Variants in BLNK observed in about 807,000 individuals in gnomAD.
BLNK encodes B cell linker.
BLNK carries 29 observed loss-of-function variants against 73.5 expected under a neutral mutation model. That is an observed-to-expected ratio of 0.39 (90% CI 0.29 to 0.54). BLNK has a LOEUF of 0.54. Among genes scored for constraint, BLNK ranks in the 20% least tolerant of loss-of-function variants. The probability of loss-of-function intolerance (pLI) is 0.61; values close to 1 mark genes in which losing one functional copy is unlikely to be tolerated. For synonymous variants in BLNK, 176 were observed against 200.8 expected (o/e 0.88, Z 1.04); for missense variants, 460 against 562.8 (o/e 0.82, Z 1.85).
chr10:96,255,447 T>G (rs1843469518), intron 1 of BLNK, among the ~76,000 whole-genome samples: 1 of 152,120 alleles, frequency 6.6e-6, no homozygotes, highest in African/African-American at 2.4e-5. Flanking sequence ...TCCTTGTAGC[T>G]CTTTAGTGCT....
rs2083315771 is a variant in BLNK, at chr10:96,190,809, C to A, written c.*1164G>T. On this transcript the variant is annotated 3_prime_UTR_variant, in exon 17 of 17. Transcript: ENST00000224337. ...TCTGGGATGATCTAAGACCTTGGAC[C>A]TGATTCTCCACGATGGTATCTCTTT... 6.6e-6 allele frequency among the ~76,000 whole-genome samples: 1 copy of A among 152,184 alleles called. No individual in the cohort carries two copies. The highest frequency in any genetic ancestry group is 2.4e-5 in the African/African-American group (1 of 41,440).
chr10:96,231,568 A>G (rs587714968), intron 3 of BLNK, among the ~76,000 whole-genome samples: 1 of 151,996 alleles, frequency 6.6e-6, no homozygotes, highest in African/African-American at 2.4e-5. Flanking sequence ...CTCTACAAAA[A>G]ATAAAATAAT....
rs587660181 is a variant in BLNK at position 96,189,783 on chromosome 10, C to T, written c.*2190G>A. 3 of 876,538 alleles carry T rather than the reference C, an allele frequency of 3.4e-6. No homozygotes were observed. Among genetic ancestry groups the T allele is most frequent in the Admixed American group, 3.5e-5 (2 of 57,068 alleles). 54.3% of individuals were successfully genotyped at this position (876,538 alleles called of 1,614,324 possible). A position where few individuals can be genotyped will look rare whatever the true frequency, so the allele number is the denominator to read the frequency against. On this transcript the variant is annotated 3_prime_UTR_variant, in exon 17 of 17. Transcript: ENST00000224337. ...TTATTCTCTGGAATCTTGCTACCAC[C>T]TCCAGGGACAGATCACTTTCCAGAT...
At chr10:96,227,195 C>T (rs924230618) in intron 5 of BLNK, among the ~76,000 whole-genome samples, 1 of 152,216 alleles carries the variant, frequency 6.6e-6, no homozygotes, top group African/African-American at 2.4e-5. Context: ...TGTTCCCAAT[C>T]TAGGAAAGAC....
At chr10:96,255,861 A>C (rs1843486064) in intron 1 of BLNK, among the ~76,000 whole-genome samples, 1 of 152,148 alleles carries the variant, frequency 6.6e-6, no homozygotes, top group African/African-American at 2.4e-5. Context: ...GATTTCAACG[A>C]TCACTCCTTC....
intron 4 of BLNK, among the ~76,000 whole-genome samples, chr10:96,229,003 ACAGG>A (rs1477684964): frequency 6.6e-6 from 1 of 152,178 alleles, no homozygotes; most frequent in Non-Finnish European, 1.5e-5. Flanking sequence ...ATATTTTGAA[ACAGG>A]CATACAACGT....
At chr10:96,209,186 A>G (rs1204956488) in intron 9 of BLNK, among the ~76,000 whole-genome samples, 1 of 152,082 alleles carries the variant, frequency 6.6e-6, no homozygotes, top group Non-Finnish European at 1.5e-5. Context: ...ACCAGCACAT[A>G]GTATATATCT....
chr10:96,246,053 C>A (rs1161368041), intron 2 of BLNK, among the ~76,000 whole-genome samples: 1 of 151,860 alleles, frequency 6.6e-6, no homozygotes, highest in Non-Finnish European at 1.5e-5. Flanking sequence ...AAGAGACTTA[C>A]CTACTAAGGT....
chr10:96,198,678 A>G (rs74430332), intron 15 of BLNK, among the ~76,000 whole-genome samples: 8,630 of 152,236 alleles, frequency 0.057, 425 homozygotes, highest in African/African-American at 0.13. Flanking sequence ...TAGGATATGA[A>G]AAAACAGTTT....
At chr10:96,217,380 C>T (rs2084092738) in intron 6 of BLNK, among the ~76,000 whole-genome samples, 1 of 152,176 alleles carries the variant, frequency 6.6e-6, no homozygotes, top group Non-Finnish European at 1.5e-5. Flanking sequence ...GTCGGAGAAA[C>T]TGCCAAACTG....
intron 1 of BLNK, among the ~76,000 whole-genome samples, chr10:96,254,739 G>C (rs782574160): frequency 6.6e-6 from 1 of 151,980 alleles, no homozygotes; most frequent in East Asian, 1.9e-4. Flanking sequence ...TCGAACTTCT[G>C]ACCTCAGGTA....
intron 10 of BLNK, 56 bp downstream of exon 10, chr10:96,207,816 A>T: frequency 3.1e-6 from 5 of 1,592,400 alleles, no homozygotes; most frequent in Middle Eastern, 3.3e-4. Context: ...AAATAAATGG[A>T]TAAGAATAAA....
At chr10:96,230,772 G>A (rs1438321241) in intron 4 of BLNK, 22 bp downstream of exon 4, 3 of 1,604,474 alleles carry the variant, frequency 1.9e-6, no homozygotes, top group Non-Finnish European at 2.6e-6. Context: ...ATGCCCTCCT[G>A]GTCCCAGGAG....
At chr10:96,269,978 A>G (rs530005978) in intron 1 of BLNK, among the ~76,000 whole-genome samples, 35 of 152,230 alleles carry the variant, frequency 2.3e-4, no homozygotes, top group Non-Finnish European at 4.7e-4. Flanking sequence ...TATCTTCTCT[A>G]TGAAACCTCC....
At chr10:96,246,453 G>A (rs1235221349) in intron 2 of BLNK, among the ~76,000 whole-genome samples, 3 of 152,194 alleles carry the variant, frequency 2.0e-5, no homozygotes, top group African/African-American at 7.2e-5. Context: ...TCGCTGGGCC[G>A]AGGCAGGAGA....
At chr10:96,249,391 G>C (rs1243448615) in intron 1 of BLNK, among the ~76,000 whole-genome samples, 2 of 152,262 alleles carry the variant, frequency 1.3e-5, no homozygotes, top group African/African-American at 4.8e-5. Flanking sequence ...CAGCTTCTCA[G>C]AAGAACTCTG....
In BLNK at chr10:96,209,549, C is replaced by T. The variant is rs587669233; in HGVS notation, c.746+289G>A. On this transcript the variant is annotated intron_variant, in intron 9 of 16. Transcript: ENST00000224337. ...CTGGGATTACAGGTGTGTGCCACCACGCCTGGCTAATTTTTGTATTTTTAG... is the reference window on the plus strand; with the variant it reads ...CTGGGATTACAGGTGTGTGCCACCATGCCTGGCTAATTTTTGTATTTTTAG... 2.0e-4 allele frequency among the ~76,000 whole-genome samples: 31 copies of T among 152,238 alleles called. No homozygotes were observed. The East Asian group carries it at 4.1e-3, about 20-fold the overall frequency.
chr10:96,244,521 T>A (rs1842976412), intron 2 of BLNK, among the ~76,000 whole-genome samples: 1 of 152,216 alleles, frequency 6.6e-6, no homozygotes, highest in South Asian at 2.1e-4. Context: ...TATTTTCTCA[T>A]GCGGCCATAG....
intron 13 of BLNK, 199 bp downstream of exon 13, chr10:96,203,858 T>G (rs1414844771): frequency 1.2e-5 from 5 of 427,872 alleles, no homozygotes; most frequent in Non-Finnish European, 2.1e-5. Flanking sequence ...AAAAATTGCC[T>G]CAAATATATT....
Sources: allele counts gnomAD v4.1 joint callset (sites outside exome capture counted in the v4.1 genomes callset), GRCh38; gene constraint gnomAD v4.1.1; transcripts MANE v1.5; gene names NCBI Gene and HGNC (gene_info 2026-07-23, HGNC 2026-07-21).